The following NUBPL variants were observed in gnomAD, a reference collection of about 807,000 sequenced individuals.
NUBPL encodes the protein NUBP iron-sulfur cluster assembly factor, mitochondrial, also known as iron-sulfur cluster transfer protein NUBPL.
A neutral mutation model predicts 45.7 loss-of-function variants in NUBPL; 31 were observed. The ratio of observed to expected loss-of-function variants is 0.68; its 90% CI spans 0.51 to 0.92. The LOEUF (loss-of-function observed/expected upper bound fraction) is 0.92. NUBPL is among the 40% of genes least tolerant of loss of function. The pLI, the probability that NUBPL is intolerant of heterozygous loss-of-function variation, is 0.00. For synonymous variants in NUBPL, 144 were observed against 140.9 expected, an observed-to-expected ratio of 1.02 and a Z score of -0.15; for missense variants, 401 against 398.7, an observed-to-expected ratio of 1.01 and a Z score of -0.05.
chr14:31,744,333 A>G (rs548225404), intron 6 of NUBPL, among the ~76,000 whole-genome samples: 1 of 152,220 alleles, frequency 6.6e-6, no homozygotes, highest in Non-Finnish European at 1.5e-5. Flanking sequence ...AGCATTTTGA[A>G]TAATTGATAT....
At chr14:31,604,173 A>G (rs2034520299) in intron 4 of NUBPL, among the ~76,000 whole-genome samples, 1 of 104,218 alleles carries the variant, frequency 9.6e-6, no homozygotes, top group African/African-American at 2.7e-5. Context: ...AAATCTTGGA[A>G]AGGCTGAAAA....
rs141246636 is a variant in NUBPL at position 31,840,442 on chromosome 14, C to T, written c.694-6029C>T. Among the ~76,000 whole-genome samples, 63 of 151,944 alleles carry T rather than the reference C, an allele frequency of 4.1e-4. 1 individual carries two copies. The East Asian group carries it at 0.012, about 29-fold the overall frequency. Reference sequence around the variant, plus strand: ...CAAAAAAATTAGCCAGACGTGGTGGCGGGCGCCTGTAGTCCCACCTACTGG... The same window carrying T: ...CAAAAAAATTAGCCAGACGTGGTGGTGGGCGCCTGTAGTCCCACCTACTGG... On this transcript the variant is annotated intron_variant, in intron 8 of 10. Coordinates refer to ENST00000281081, the MANE Select transcript of NUBPL (RefSeq NM_025152.3).
chr14:31,642,398 T>C (rs889621097), intron 4 of NUBPL, among the ~76,000 whole-genome samples: 1 of 152,216 alleles, frequency 6.6e-6, no homozygotes, highest in African/African-American at 2.4e-5. Context: ...TTCTTCCTCA[T>C]GTGGTTACCT....
intron 8 of NUBPL, among the ~76,000 whole-genome samples, chr14:31,832,910 A>G (rs909603188): frequency 6.6e-6 from 1 of 152,232 alleles, no homozygotes; most frequent in Non-Finnish European, 1.5e-5. Context: ...AATGCATATA[A>G]ATGGCTTAAG....
rs77217037 is a variant in NUBPL at position 31,730,438 on chromosome 14, A to C, written c.513+56864A>C. Among the ~76,000 whole-genome samples, 783 of 151,088 alleles carry C rather than the reference A, an allele frequency of 5.2e-3. 10 individuals are homozygous for C. Among genetic ancestry groups the C allele is most frequent in the African/African-American group, 0.018 (739 of 41,172 alleles). ...CCCAGAAACTTGCAAGACAACTTTC[A>C]TCATCATCTGCTGGATCAAGTAATC... On this transcript the variant is annotated intron_variant, in intron 6 of 10. Coordinates refer to ENST00000281081, the MANE Select transcript of NUBPL (RefSeq NM_025152.3).
At chr14:31,778,126 C>T (rs1566557129) in intron 6 of NUBPL, among the ~76,000 whole-genome samples, 1 of 152,204 alleles carries the variant, frequency 6.6e-6, no homozygotes, top group Non-Finnish European at 1.5e-5. Context: ...TCTTGGAGAG[C>T]AGGAGGCGTA....
chr14:31,684,014 TG>T (rs1254153115), intron 6 of NUBPL, among the ~76,000 whole-genome samples: 5 of 152,214 alleles, frequency 3.3e-5, no homozygotes, highest in Non-Finnish European at 7.3e-5. Context: ...TTGATATCTT[TG>T]GGTCATTTTT....
intron 7 of NUBPL, among the ~76,000 whole-genome samples, chr14:31,814,798 T>C (rs1366007115): frequency 6.6e-6 from 1 of 152,244 alleles, no homozygotes; most frequent in East Asian, 1.9e-4. Context: ...TAGGGAATCC[T>C]TTCCCCATTG....
intron 6 of NUBPL, among the ~76,000 whole-genome samples, chr14:31,673,994 CA>C (rs1280886958): frequency 1.3e-5 from 2 of 151,920 alleles, no homozygotes; most frequent in Non-Finnish European, 2.9e-5. Context: ...AAAATTGCTC[CA>C]GAAAAAAGTA....
At chr14:31,839,536 T>A (rs558675941) in intron 8 of NUBPL, among the ~76,000 whole-genome samples, 1 of 152,236 alleles carries the variant, frequency 6.6e-6, no homozygotes, top group African/African-American at 2.4e-5. Context: ...GAAGAGAAGC[T>A]CTATGACATT....
intron 3 of NUBPL, among the ~76,000 whole-genome samples, chr14:31,572,701 T>C (rs2033620545): frequency 6.6e-6 from 1 of 152,238 alleles, no homozygotes; most frequent in African/African-American, 2.4e-5. Flanking sequence ...CGTATGGTCA[T>C]GCTTTACTTT....
chr14:31,820,531 T>A (rs192354699), intron 7 of NUBPL, among the ~76,000 whole-genome samples: 8 of 152,266 alleles, frequency 5.3e-5, no homozygotes, highest in Admixed American at 5.2e-4. Flanking sequence ...CTTTAAAATT[T>A]AAAAATCTGG....
intron 3 of NUBPL, among the ~76,000 whole-genome samples, chr14:31,590,842 A>G (rs1330647898): frequency 6.6e-6 from 1 of 152,142 alleles, no homozygotes. Flanking sequence ...GTATTTGAAG[A>G]CTTTACTTAC....
intron 6 of NUBPL, among the ~76,000 whole-genome samples, chr14:31,749,794 G>A (rs1236059032): frequency 1.3e-5 from 2 of 151,968 alleles, no homozygotes; most frequent in Non-Finnish European, 1.5e-5. Flanking sequence ...CATGTTTTTG[G>A]TGCCTTTTTT....
chr14:31,694,011 A>G (rs1006029831), intron 6 of NUBPL, among the ~76,000 whole-genome samples: 1 of 151,844 alleles, frequency 6.6e-6, no homozygotes, highest in Non-Finnish European at 1.5e-5. Context: ...ACCCGCCACC[A>G]TGCCTGGCTA....
intron 4 of NUBPL, among the ~76,000 whole-genome samples, chr14:31,645,774 A>AC (rs35803247): frequency 0.17 from 14,343 of 82,476 alleles, 1,289 homozygotes; most frequent in African/African-American, 0.23. Flanking sequence ...TATACTTTAC[A>AC]CCCCCCCCCC....
intron 8 of NUBPL, among the ~76,000 whole-genome samples, chr14:31,835,309 C>G (rs151284156): frequency 2.0e-5 from 3 of 152,304 alleles, no homozygotes; most frequent in African/African-American, 7.2e-5. Flanking sequence ...ACAAAAGTCT[C>G]TATCTAGTTG....
Position 31,859,215 on chromosome 14 carries a change from A to C in NUBPL, c.*35A>C. The C allele has an allele frequency of 6.5e-7, 1 of 1,543,270 alleles. No homozygotes were observed. Among genetic ancestry groups the C allele is most frequent in the Non-Finnish European group, 9.0e-7 (1 of 1,115,772 alleles). Reference sequence around the variant, plus strand: ...TGTCCTGGAAATTTGCCTGGTACTGACATTAAGAGGACCTTTGGAAATCAG... The same window carrying C: ...TGTCCTGGAAATTTGCCTGGTACTGCCATTAAGAGGACCTTTGGAAATCAG... On this transcript the variant is annotated 3_prime_UTR_variant, in exon 11 of 11. Coordinates refer to ENST00000281081, the MANE Select transcript of NUBPL (RefSeq NM_025152.3).
chr14:31,640,038 G>T (rs1372218885), intron 4 of NUBPL, among the ~76,000 whole-genome samples: 1 of 152,160 alleles, frequency 6.6e-6, no homozygotes, highest in Non-Finnish European at 1.5e-5. Context: ...TGTGCTTCCT[G>T]AGCGAGGCAG....
Sources: allele counts gnomAD v4.1 joint callset (sites outside exome capture counted in the v4.1 genomes callset), GRCh38; gene constraint gnomAD v4.1.1; transcripts MANE v1.5; gene names NCBI Gene and HGNC (gene_info 2026-07-23, HGNC 2026-07-21).